NDUFS7: variants seen among roughly 807,000 people sequenced by gnomAD.
NDUFS7 encodes NADH dehydrogenase [ubiquinone] iron-sulfur protein 7, mitochondrial.
A neutral mutation model predicts 31.1 loss-of-function variants in NDUFS7; 11 were observed. The observed-to-expected ratio is 0.35, with a 90% CI of 0.22 to 0.59. NDUFS7 has a LOEUF of 0.59. Among genes scored for constraint, NDUFS7 ranks in the 20% least tolerant of loss-of-function variants. The pLI, the probability that NDUFS7 is intolerant of heterozygous loss-of-function variation, is 0.79. For missense variants in NDUFS7, 263 were observed against 324.2 expected (o/e 0.81, Z 1.45); for synonymous variants, 136 against 127.9 (o/e 1.06, Z -0.43).
chr19:1,384,297 A>T (rs1428556104), intron 1 of NDUFS7: 3 of 352,524 alleles, frequency 8.5e-6, no homozygotes, highest in African/African-American at 6.6e-5. Context: ...CCTGCCTGAC[A>T]GGCTGGGAAA....
chr19:1,395,577 C>T lies in NDUFS7; in HGVS notation c.*89C>T, dbSNP rs1212683201. 1.4e-6 allele frequency: 2 copies of T among 1,430,012 alleles called. No individual in the cohort carries two copies. Among genetic ancestry groups the T allele is most frequent in the East Asian group, 2.5e-5 (1 of 40,130 alleles). 88.6% of individuals were successfully genotyped at this position (1,430,012 alleles called of 1,614,324 possible). On this transcript the variant is annotated 3_prime_UTR_variant, in exon 8 of 8. Transcript: ENST00000233627. ...GGTTGTCAATAAACCTGCCCTCGGG[C>T]TGCCGCCTCCCAGTGTGGTGTGTGG... is the stretch of plus-strand genomic sequence containing the variant.
Position 1,384,047 on chromosome 19 carries a change from G to A in NDUFS7, c.16+105G>A, listed in dbSNP as rs1232974142. On this transcript the variant is annotated intron_variant, in intron 1 of 7. Coordinates refer to ENST00000233627, the MANE Select transcript of NDUFS7 (RefSeq NM_024407.5). ...GGGTCGGTGCCGGCGTCGTGGCCGC[G>A]GTCCTCTCCGGGCTTCTCCGAGCCG... is the stretch of plus-strand genomic sequence containing the variant. 80 of 1,279,398 alleles carry A rather than the reference G, an allele frequency of 6.3e-5. No individual in the cohort carries two copies. The South Asian group carries it at 1.1e-3, about 17-fold the overall frequency. The allele number at this position is 1,279,398 out of a possible 1,614,324, so 79.3% of individuals were successfully genotyped here. A position where few individuals can be genotyped will look rare whatever the true frequency, so the allele number is the denominator to read the frequency against.
In NDUFS7 at chr19:1,393,352, C is replaced by G. The variant is rs1204619337; in HGVS notation, c.544+22C>G. 3 of 1,549,366 alleles carry G rather than the reference C, an allele frequency of 1.9e-6. No homozygotes were observed. Among genetic ancestry groups the G allele is most frequent in the African/African-American group, 1.4e-5 (1 of 73,342 alleles). On this transcript the variant is annotated intron_variant, in intron 7 of 7. Transcript: ENST00000233627. The surrounding 1 kb of genome is among the most constrained non-coding windows in gnomAD (Gnocchi z 7.3). ...CCAGGTAGGGCCGGGACCGCACCGC[C>G]CACGAGGGAGCTGGAGACAGGGCCA... is the stretch of plus-strand genomic sequence containing the variant.
Position 1,390,902 on chromosome 19 carries a change from C to T in NDUFS7, c.260C>T (p.Ala87Val). 6.2e-7 allele frequency: 1 copy of T among 1,611,046 alleles called. No homozygotes were observed. The highest frequency in any genetic ancestry group is 8.5e-7 in the Non-Finnish European group (1 of 1,179,838). ...CTGTGGCCCATGACCTTCGGCCTGG[C>T]CTGCTGCGCCGTGGAGATGATGCAC... The part of the protein sequence containing the change: ...SSLWPMTFGL[A>V]CCAVEMMHMA... Residue 87 changes from alanine to valine, a missense_variant, in exon 5 of 8, where the codon GCC (alanine) becomes GTC (valine). Coordinates refer to ENST00000233627, the MANE Select transcript of NDUFS7 (RefSeq NM_024407.5).
Position 1,388,822 on chromosome 19 carries a change from C to T in NDUFS7, c.123-11C>T. 1.9e-6 allele frequency: 3 copies of T among 1,584,784 alleles called. No individual in the cohort carries two copies. Among genetic ancestry groups the T allele is most frequent in the Non-Finnish European group, 1.7e-6 (2 of 1,166,308 alleles). On this transcript the variant is annotated splice_polypyrimidine_tract_variant and intron_variant, in intron 3 of 7. Transcript: ENST00000233627. ...GCTGACGCCTCCTGTGCCCGTGTGT[C>T]TCTGTGCCAGCACCCAGCCTGCCCT... is the stretch of plus-strand genomic sequence containing the variant.
At chr19:1,394,930 G>A in intron 7 of NDUFS7, 1 of 1,119,670 alleles carries the variant, frequency 8.9e-7, no homozygotes, top group Non-Finnish European at 1.1e-6. Context: ...TTGGGGCTCA[G>A]AAAGAGGGTC....
At chr19:1,394,648 G>GA (rs2082583028) in intron 7 of NDUFS7, 1 of 1,226,318 alleles carries the variant, frequency 8.2e-7, no homozygotes, top group Admixed American at 2.7e-5. Flanking sequence ...CCTCCCTGGG[G>GA]ACCTCGCTCC....
rs2144624673 is a variant in NDUFS7 at position 1,393,488 on chromosome 19, C to T, written c.544+158C>T. On this transcript the variant is annotated intron_variant, in intron 7 of 7. Transcript: ENST00000233627. The surrounding 1 kb of genome is among the most constrained non-coding windows in gnomAD (Gnocchi z 7.3). ...CTCGGAGCGCTGCCTCTTAGTGGAG[C>T]CTGTCCCCTGTGAGAAGTCGGCGAT... The T allele has an allele frequency of 1.4e-6, 1 of 703,282 alleles. No homozygotes were observed. The highest frequency in any genetic ancestry group is 2.6e-6 in the Non-Finnish European group (1 of 388,286). The allele number at this position is 703,282 out of a possible 1,614,324, so 43.6% of individuals were successfully genotyped here.
intron 4 of NDUFS7, chr19:1,389,332 C>A (rs921699007): frequency 4.0e-6 from 2 of 498,176 alleles, no homozygotes; most frequent in Non-Finnish European, 7.9e-6. Context: ...CACACTCACA[C>A]ACATGCACAC....
chr19:1,383,994 G>T, intron 1 of NDUFS7, 52 bp downstream of exon 1: 5 of 1,534,306 alleles, frequency 3.3e-6, no homozygotes. Context: ...TGGGGCCGTG[G>T]GAGCCTCGGG....
rs1272954343 is a variant in NDUFS7, at chr19:1,391,017, A to C, written c.375A>C (p.Thr125=). 6.2e-7 allele frequency: 1 copy of C among 1,612,674 alleles called. No homozygotes were observed. Among genetic ancestry groups the C allele is most frequent in the Non-Finnish European group, 8.5e-7 (1 of 1,179,544 alleles). Residue 125 remains threonine, a synonymous_variant, in exon 5 of 8, where the codon ACA becomes ACC. Transcript: ENST00000233627. The part of the protein sequence containing the change: ...RQSDVMIVAG[T]LTNKMAPALR... ...CCGACGTCATGATCGTGGCCGGCAC[A>C]CTCACCAACAAGATGGCCCCAGCGC...
At chr19:1,384,149 G>A in intron 1 of NDUFS7, 1 of 581,562 alleles carries the variant, frequency 1.7e-6, no homozygotes, top group South Asian at 2.5e-5. Flanking sequence ...CGGGGAAACC[G>A]AGGCCCGGTA....
chr19:1,390,445 T>A, intron 4 of NDUFS7: 1 of 239,484 alleles, frequency 4.2e-6, no homozygotes, highest in Non-Finnish European at 8.3e-6. Context: ...GGGGAGGGAG[T>A]GGCCAAGGAG....
chr19:1,393,313 TGGACATCTACATCCCAGGTAG>T lies in NDUFS7; in HGVS notation c.530_544+6del. ...AGGGGCTGCGACCGCATCGTGCCCG[TGGACATCTACATCCCAGGTAG>T]GGCCGGGACCGCACCGCCCACGAGG... On this transcript the variant is annotated splice_donor_variant and splice_donor_region_variant and coding_sequence_variant and intron_variant, in exon 7 of 8. Transcript: ENST00000233627. LOFTEE classifies it high-confidence loss of function. This position sits in a 1 kb window ranked among gnomAD's most constrained non-coding sequence, Gnocchi z 7.3. 1 of 1,584,276 alleles carries T rather than the reference TGGACATCTACATCCCAGGTAG, an allele frequency of 6.3e-7. No individual in the cohort carries two copies. Among genetic ancestry groups the T allele is most frequent in the Non-Finnish European group, 8.6e-7 (1 of 1,166,430 alleles).
intron 2 of NDUFS7, 38 bp downstream of exon 2, chr19:1,387,885 C>A (rs1401085103): frequency 6.7e-7 from 1 of 1,483,184 alleles, no homozygotes; most frequent in African/African-American, 1.5e-5. Flanking sequence ...CTGGGAGGGG[C>A]CTTCAGCAGC....
At chr19:1,387,903 G>A (rs900313206) in intron 2 of NDUFS7, 56 bp downstream of exon 2, 88 of 547,796 alleles carry the variant, frequency 1.6e-4, no homozygotes, top group Non-Finnish European at 2.5e-4. Flanking sequence ...AGCGACAGAC[G>A]AACGGGGCGG....
At position 1,393,311 on chromosome 19, in the gene NDUFS7, C is replaced by A; in HGVS notation, c.525C>A (p.Pro175=). 1.3e-6 allele frequency: 2 copies of A among 1,585,102 alleles called. No homozygotes were observed. The highest frequency in any genetic ancestry group is 4.6e-5 in the East Asian group (2 of 43,416). The part of the protein sequence containing the change: ...SVVRGCDRIV[P]VDIYIPGCPP... ...TGAGGGGCTGCGACCGCATCGTGCC[C>A]GTGGACATCTACATCCCAGGTAGGG... Residue 175 remains proline, a synonymous_variant, in exon 7 of 8, where the codon CCC becomes CCA. Transcript: ENST00000233627. The surrounding 1 kb of genome is among the most constrained non-coding windows in gnomAD (Gnocchi z 7.3).
In NDUFS7 at chr19:1,393,095, T is replaced by C; in HGVS notation, c.456-147T>C. On this transcript the variant is annotated intron_variant, in intron 6 of 7. Transcript: ENST00000233627. This position sits in a 1 kb window ranked among gnomAD's most constrained non-coding sequence, Gnocchi z 7.3. ...CAGAGGCTCTGGGAGCCTGTGCGTG[T>C]TTGCTCATTGCTTCTCCGTGACAAG... 1 of 672,772 alleles carries C rather than the reference T, an allele frequency of 1.5e-6. No individual in the cohort carries two copies. Among genetic ancestry groups the C allele is most frequent in the South Asian group, 1.7e-5 (1 of 58,946 alleles). The allele number at this position is 672,772 out of a possible 1,614,324, so 41.7% of individuals were successfully genotyped here.
At chr19:1,387,934 A>AGGGGGGGGGGGGG in intron 2 of NDUFS7, 87 bp downstream of exon 2, 1 of 226,694 alleles carries the variant, frequency 4.4e-6, no homozygotes, top group Non-Finnish European at 8.2e-6. Flanking sequence ...GGGTGGGGGG[A>AGGGGGGGGGGGGG]GCGCCTTGTT....
Sources: gnomAD v4.1 joint callset for allele counts on GRCh38, gnomAD v4.1.1 for gene constraint, Gnocchi (gnomAD v3.1) non-coding constraint, MANE v1.5 for transcripts, NCBI Gene and HGNC (gene_info 2026-07-23, HGNC 2026-07-21) for gene names.